The following VPS8 variants were observed in gnomAD, a reference collection of about 807,000 sequenced individuals.
VPS8 encodes the protein VPS8 subunit of CORVET complex, also known as vacuolar protein sorting-associated protein 8 homolog.
In VPS8, 129 loss-of-function variants were observed where a neutral mutation model predicts 216.4. The observed-to-expected ratio is 0.60, with a 90% CI of 0.52 to 0.69. The LOEUF (loss-of-function observed/expected upper bound fraction) is 0.69, where lower values mean the gene tolerates loss of function less well. VPS8 is among the 30% of genes least tolerant of loss of function. The pLI, the probability that VPS8 is intolerant of heterozygous loss-of-function variation, is 0.00. For missense variants in VPS8, 1,531 were observed against 1,683.5 expected (o/e 0.91, Z 1.59); for synonymous variants, 571 against 565.4 (o/e 1.01, Z -0.14).
intron 45 of VPS8, among the ~76,000 whole-genome samples, chr3:185,022,723 T>C (rs1375747991): frequency 6.6e-6 from 1 of 152,176 alleles, no homozygotes; most frequent in Non-Finnish European, 1.5e-5. Flanking sequence ...GATTATCAAT[T>C]TTATTTATCT....
At chr3:184,838,499 T>C (rs1274822996) in intron 5 of VPS8, among the ~76,000 whole-genome samples, 1 of 152,190 alleles carries the variant, frequency 6.6e-6, no homozygotes, top group African/African-American at 2.4e-5. Flanking sequence ...AAGGCACTTA[T>C]ATACTTAGTA....
At chr3:184,918,716 T>C (rs903249863) in intron 28 of VPS8, among the ~76,000 whole-genome samples, 2 of 152,218 alleles carry the variant, frequency 1.3e-5, no homozygotes, top group African/African-American at 4.8e-5. Context: ...CTCCATGGTT[T>C]TGTATTTTAG....
intron 10 of VPS8, among the ~76,000 whole-genome samples, chr3:184,851,500 C>G (rs988848097): frequency 6.6e-6 from 1 of 151,944 alleles, no homozygotes; most frequent in African/African-American, 2.4e-5. Flanking sequence ...TATGAATACA[C>G]TACTTTACTA....
At chr3:185,031,068 T>TTTTTG (rs1553910793) in intron 46 of VPS8, among the ~76,000 whole-genome samples, 2 of 139,632 alleles carry the variant, frequency 1.4e-5, no homozygotes, top group African/African-American at 5.6e-5. Flanking sequence ...TTGGCGTTTT[T>TTTTTG]TTTTTTTTTT....
At chr3:184,909,169 A>G (rs370898325) in intron 25 of VPS8, among the ~76,000 whole-genome samples, 1 of 152,248 alleles carries the variant, frequency 6.6e-6, no homozygotes, top group Admixed American at 6.5e-5. Context: ...TTGTAAGGCA[A>G]TATTGGTTTT....
chr3:184,840,919 G>A (rs1243294633), intron 7 of VPS8, among the ~76,000 whole-genome samples: 1 of 152,056 alleles, frequency 6.6e-6, no homozygotes, highest in Admixed American at 6.5e-5. Flanking sequence ...GTGGGGCCTT[G>A]CATCCTTATT....
chr3:184,867,857 A>C (rs949640596), intron 17 of VPS8, among the ~76,000 whole-genome samples, 167 bp from the exon 18 acceptor site: 1 of 152,198 alleles, frequency 6.6e-6, no homozygotes, highest in Non-Finnish European at 1.5e-5. Flanking sequence ...AAAAAAAGAA[A>C]AGCGTTCTTG....
At chr3:184,858,516 A>G (rs1725700595) in intron 14 of VPS8, among the ~76,000 whole-genome samples, 1 of 152,092 alleles carries the variant, frequency 6.6e-6, no homozygotes, top group Admixed American at 6.5e-5. Context: ...CCCTTTATAG[A>G]CTTTTTCTAG....
At chr3:184,834,075 G>C (rs912884022) in intron 4 of VPS8, among the ~76,000 whole-genome samples, 4 of 152,158 alleles carry the variant, frequency 2.6e-5, no homozygotes, top group African/African-American at 9.7e-5. Context: ...GAGTAGAGGG[G>C]GAATTTGAGG....
intron 7 of VPS8, 141 bp downstream of exon 7, chr3:184,839,893 T>G: frequency 2.8e-6 from 4 of 1,417,992 alleles, no homozygotes; most frequent in Non-Finnish European, 3.7e-6. Context: ...GTCAGTATTT[T>G]TATAGCTAAA....
At chr3:184,940,151 A>T (rs1560778877) in intron 35 of VPS8, 46 bp from the exon 36 acceptor site, 4 of 1,214,976 alleles carry the variant, frequency 3.3e-6, no homozygotes, top group Admixed American at 2.4e-5. Flanking sequence ...TATTTGAAAA[A>T]TTTGTTTTAA....
chr3:184,966,933 A>G (rs1393617823), intron 39 of VPS8, among the ~76,000 whole-genome samples: 1 of 151,814 alleles, frequency 6.6e-6, no homozygotes, highest in African/African-American at 2.4e-5. Flanking sequence ...TTTTCGGTGG[A>G]GTTAAATATA....
chr3:184,909,153 C>T (rs1156696970), intron 25 of VPS8, among the ~76,000 whole-genome samples: 2 of 152,192 alleles, frequency 1.3e-5, no homozygotes, highest in African/African-American at 4.8e-5. Context: ...TTCACAGCTG[C>T]CCAAGTTGTA....
Position 185,032,959 on chromosome 3 carries a change from G to T in VPS8, c.4056+8570G>T, listed in dbSNP as rs1043571698. Among the ~76,000 whole-genome samples, 5 of 152,200 alleles carry T rather than the reference G, an allele frequency of 3.3e-5. No individual in the cohort carries two copies. The South Asian group carries it at 6.2e-4, about 19-fold the overall frequency. ...TGGGATTACAGGCGTGAGCCACCCC[G>T]CCCGGCCCCTTTATTTTTTAAGAGT... On this transcript the variant is annotated intron_variant, in intron 46 of 47. Coordinates refer to ENST00000625842, the MANE Select transcript of VPS8 (RefSeq NM_001009921.3).
At chr3:184,999,274 A>T (rs900143962) in intron 44 of VPS8, among the ~76,000 whole-genome samples, 1 of 152,134 alleles carries the variant, frequency 6.6e-6, no homozygotes, top group East Asian at 1.9e-4. Flanking sequence ...GGCCAGGCTG[A>T]TCTCAAACTC....
intron 21 of VPS8, among the ~76,000 whole-genome samples, chr3:184,883,483 C>A (rs1286722400): frequency 6.6e-6 from 1 of 152,190 alleles, no homozygotes; most frequent in Non-Finnish European, 1.5e-5. Flanking sequence ...ATTCAACCAT[C>A]ACTTAAACCA....
At chr3:184,816,104 T>G (rs78385911) in intron 1 of VPS8, 2 of 152,226 alleles carry the variant, frequency 1.3e-5, no homozygotes, top group African/African-American at 2.4e-5. Flanking sequence ...AGAAGAGACA[T>G]TCTCATGATA....
chr3:184,823,495 G>A lies in VPS8; in HGVS notation c.-88-1050G>A, dbSNP rs981274756. On this transcript the variant is annotated intron_variant, in intron 1 of 47. Coordinates refer to ENST00000625842, the MANE Select transcript of VPS8 (RefSeq NM_001009921.3). ...GTTGGTGGTAGTGGTGTTTATACAC[G>A]CTAAAGGCAGTATGTAGTTTGAAAG... is the stretch of plus-strand genomic sequence containing the variant. Among the ~76,000 whole-genome samples, 14 of 152,300 alleles carry A rather than the reference G, an allele frequency of 9.2e-5. No individual in the cohort carries two copies. The South Asian group carries it at 2.9e-3, about 32-fold the overall frequency.
intron 21 of VPS8, among the ~76,000 whole-genome samples, chr3:184,878,307 C>T (rs1283095608): frequency 6.6e-6 from 1 of 151,980 alleles, no homozygotes; most frequent in Non-Finnish European, 1.5e-5. Context: ...GATGGGGTTT[C>T]GCCATGTTGG....
Sources: allele counts gnomAD v4.1 joint callset (sites outside exome capture counted in the v4.1 genomes callset), GRCh38; gene constraint gnomAD v4.1.1; transcripts MANE v1.5; gene names NCBI Gene and HGNC (gene_info 2026-07-23, HGNC 2026-07-21).